The following SGK1 variants were observed in gnomAD, a reference collection of about 807,000 sequenced individuals.
SGK1 encodes the protein serine/threonine-protein kinase Sgk1.
A neutral mutation model predicts 64.2 loss-of-function variants in SGK1; 26 were observed. That is an observed-to-expected ratio of 0.40 (90% confidence interval 0.30 to 0.56). SGK1 has a LOEUF of 0.56. Among genes scored for constraint, SGK1 ranks in the 20% least tolerant of loss-of-function variants. The pLI, the probability that SGK1 is intolerant of heterozygous loss-of-function variation, is 0.38. For synonymous variants in SGK1, 265 were observed against 239.7 expected, an observed-to-expected ratio of 1.11 and a Z score of -0.98; for missense variants, 519 against 645.6, an observed-to-expected ratio of 0.80 and a Z score of 2.12.
chr6:134,237,930 C>G (rs1391748446), intron 2 of SGK1, among the ~76,000 whole-genome samples: 1 of 152,130 alleles, frequency 6.6e-6, no homozygotes, highest in Non-Finnish European at 1.5e-5. Flanking sequence ...ATAATATACT[C>G]TAAATAATTC....
At chr6:134,246,978 A>G (rs2114731131) in intron 2 of SGK1, among the ~76,000 whole-genome samples, 1 of 152,212 alleles carries the variant, frequency 6.6e-6, no homozygotes, top group African/African-American at 2.4e-5. Context: ...CACCAAAACC[A>G]TGCTTGATGC....
chr6:134,191,286 C>CA (rs888601149), intron 3 of SGK1, among the ~76,000 whole-genome samples: 9 of 152,044 alleles, frequency 5.9e-5, no homozygotes, highest in Non-Finnish European at 1.2e-4. Flanking sequence ...TTACCAAGGG[C>CA]AAAAAAATCT....
chr6:134,181,191 T>C (rs1469888476), intron 3 of SGK1, among the ~76,000 whole-genome samples: 1 of 152,232 alleles, frequency 6.6e-6, no homozygotes, highest in African/African-American at 2.4e-5. Context: ...TAAAGGGCTC[T>C]CTTTCACCCC....
chr6:134,208,324 C>T (rs917350458), intron 2 of SGK1, among the ~76,000 whole-genome samples: 2 of 152,090 alleles, frequency 1.3e-5, no homozygotes, highest in African/African-American at 4.8e-5. Context: ...AGTGCAGATA[C>T]ATGTTTTTAA....
intron 1 of SGK1, among the ~76,000 whole-genome samples, chr6:134,263,525 C>T (rs985707988): frequency 6.6e-5 from 10 of 151,996 alleles, no homozygotes; most frequent in Admixed American, 2.0e-4. Flanking sequence ...CCACTGAATC[C>T]GGCCCATATA....
rs539215540 is a variant in SGK1, at chr6:134,286,244, G to A, written c.70-24096C>T. ...GAACGTAAGAGTATATTTGGGCTGC[G>A]CCTCGTGGCTCATGCCTGTAATCCC... On this transcript the variant is annotated intron_variant, in intron 1 of 13. Transcript: ENST00000367858. Among the ~76,000 whole-genome samples, 6 of 152,266 alleles carry A rather than the reference G, an allele frequency of 3.9e-5. No homozygotes were observed. In the East Asian group the frequency reaches 7.7e-4, roughly 20 times the overall value.
chr6:134,222,538 G>T (rs1280031092), intron 2 of SGK1, among the ~76,000 whole-genome samples: 4 of 151,940 alleles, frequency 2.6e-5, no homozygotes, highest in African/African-American at 7.2e-5. Context: ...GTTTCCTCAT[G>T]TTGGCCAGGT....
intron 1 of SGK1, among the ~76,000 whole-genome samples, chr6:134,278,435 A>ATGAT (rs1777048475): frequency 6.6e-6 from 1 of 152,256 alleles, no homozygotes; most frequent in Admixed American, 6.5e-5. Flanking sequence ...GAAAGGTAAG[A>ATGAT]TGATTAACAT....
intron 1 of SGK1, among the ~76,000 whole-genome samples, chr6:134,273,941 G>A (rs1776981202): frequency 6.6e-6 from 1 of 152,092 alleles, no homozygotes; most frequent in South Asian, 2.1e-4. Flanking sequence ...TTACAAGCAT[G>A]AGCCGCTGCA....
At chr6:134,276,911 A>G (rs1777026463) in intron 1 of SGK1, among the ~76,000 whole-genome samples, 2 of 152,122 alleles carry the variant, frequency 1.3e-5, no homozygotes, top group Admixed American at 1.3e-4. Flanking sequence ...TTAGCCAAGC[A>G]TGGTGGTGTG....
In SGK1 at chr6:134,189,942, C is replaced by T. The variant is rs570715014; in HGVS notation, c.362-15356G>A. On this transcript the variant is annotated intron_variant, in intron 3 of 13. Coordinates refer to ENST00000367858, the MANE Select transcript of SGK1 (RefSeq NM_001143676.3). ...TCAGCTCACTGCAACCTCCGCCTTCCGGATTCAAGTGATTCTCTTGCCTCA... is the reference window on the plus strand; with the variant it reads ...TCAGCTCACTGCAACCTCCGCCTTCTGGATTCAAGTGATTCTCTTGCCTCA... Among the ~76,000 whole-genome samples, 22 of 151,948 alleles carry T rather than the reference C, an allele frequency of 1.4e-4. No individual in the cohort carries two copies. In the East Asian group the frequency reaches 2.3e-3, roughly 16 times the overall value.
chr6:134,289,831 C>T (rs1020689314), intron 1 of SGK1, among the ~76,000 whole-genome samples: 4 of 151,442 alleles, frequency 2.6e-5, no homozygotes, highest in African/African-American at 4.9e-5. Context: ...CACAGTGAGA[C>T]CTCTGTCTCT....
intron 1 of SGK1, among the ~76,000 whole-genome samples, chr6:134,312,279 C>A (rs968371833): frequency 6.6e-6 from 1 of 152,104 alleles, no homozygotes; most frequent in Non-Finnish European, 1.5e-5. Flanking sequence ...TAATGTTATC[C>A]CTCTGAGAAG....
intron 1 of SGK1, among the ~76,000 whole-genome samples, chr6:134,276,358 G>A (rs1319411049): frequency 6.6e-6 from 1 of 152,224 alleles, no homozygotes; most frequent in Non-Finnish European, 1.5e-5. Flanking sequence ...GGAGAAGTAG[G>A]ACCGGGCTGT....
In SGK1 at chr6:134,174,301, C is replaced by T. The variant is rs1775137357; in HGVS notation, c.437+210G>A. On this transcript the variant is annotated intron_variant, in intron 4 of 13. Transcript: ENST00000367858. ...AGAAAGGCCGTGAATTCGGCCAACA[C>T]GAACCATTTATCTTACATCTCCAGT... is the stretch of plus-strand genomic sequence containing the variant. 7 of 604,050 alleles carry T rather than the reference C, an allele frequency of 1.2e-5. No homozygotes were observed. In the East Asian group the frequency reaches 1.9e-4, roughly 17 times the overall value. The allele number at this position is 604,050 out of a possible 1,614,324, so 37.4% of individuals were successfully genotyped here. A position where few individuals can be genotyped will look rare whatever the true frequency, so the allele number is the denominator to read the frequency against.
At chr6:134,208,894 G>GTATA (rs1392523716) in intron 2 of SGK1, among the ~76,000 whole-genome samples, 24 of 34,260 alleles carry the variant, frequency 7.0e-4, no homozygotes, top group Admixed American at 2.2e-3. Flanking sequence ...ATGTATGTGT[G>GTATA]TGTATATATA....
intron 2 of SGK1, among the ~76,000 whole-genome samples, chr6:134,217,228 G>C (rs1776000567): frequency 6.6e-6 from 1 of 152,128 alleles, no homozygotes; most frequent in Non-Finnish European, 1.5e-5. Context: ...TGAAAACTAG[G>C]GAAGATGGGG....
chr6:134,314,352 G>C (rs187121974), intron 1 of SGK1, among the ~76,000 whole-genome samples: 5 of 151,608 alleles, frequency 3.3e-5, no homozygotes, highest in Admixed American at 3.3e-4. Context: ...GGTTGGGGGA[G>C]GGGGGTAGGG....
In SGK1 at chr6:134,298,629, C is replaced by A. The variant is rs6921638; in HGVS notation, c.69+18763G>T. The A allele has an allele frequency of 7.0e-6, 9 of 1,282,182 alleles. No homozygotes were observed. In the African/African-American group the frequency reaches 1.3e-4, roughly 19 times the overall value. The allele number at this position is 1,282,182 out of a possible 1,614,324, so 79.4% of individuals were successfully genotyped here. ...GGTACTGGGCCCACTCGTGTAGGAG[C>A]GGCTGCTGAAGGCCCGGGGGCCAGA... On this transcript the variant is annotated intron_variant, in intron 1 of 13. Coordinates refer to ENST00000367858, the MANE Select transcript of SGK1 (RefSeq NM_001143676.3).
Sources: gnomAD v4.1 joint callset for allele counts (sites outside exome capture counted in the v4.1 genomes callset) on GRCh38, gnomAD v4.1.1 for gene constraint, MANE v1.5 for transcripts, NCBI Gene and HGNC (gene_info 2026-07-23, HGNC 2026-07-21) for gene names.